RARS2: variants seen among roughly 807,000 people sequenced by gnomAD.
RARS2 encodes arginyl-tRNA synthetase 2, mitochondrial.
Under a neutral mutation model 88.5 loss-of-function variants are expected in RARS2, and 67 were observed. The observed-to-expected ratio is 0.76, with a 90% CI of 0.62 to 0.93. The LOEUF is 0.93. Ranked by LOEUF, RARS2 falls within the 40% of genes least tolerant of loss-of-function variation. The pLI, the probability that RARS2 is intolerant of heterozygous loss-of-function variation, is 0.00. For synonymous variants in RARS2, 239 were observed against 230.3 expected, an observed-to-expected ratio of 1.04 and a Z score of -0.34; for missense variants, 664 against 684.2, an observed-to-expected ratio of 0.97 and a Z score of 0.33.
intron 1 of RARS2, among the ~76,000 whole-genome samples, chr6:87,585,282 A>G (rs1408772418): frequency 6.6e-6 from 1 of 152,236 alleles, no homozygotes; most frequent in Non-Finnish European, 1.5e-5. Context: ...ATAAGAGTGA[A>G]TAAGACATGT....
At chr6:87,568,710 T>C (rs1218302200) in intron 2 of RARS2, among the ~76,000 whole-genome samples, 1 of 152,234 alleles carries the variant, frequency 6.6e-6, no homozygotes, top group Non-Finnish European at 1.5e-5. Context: ...AGGCCAAATG[T>C]AGCCTTTCTC....
intron 8 of RARS2, among the ~76,000 whole-genome samples, chr6:87,538,536 T>TA (rs1441247169): frequency 2.0e-5 from 3 of 152,108 alleles, no homozygotes; most frequent in Non-Finnish European, 4.4e-5. Flanking sequence ...TCCCCTGAAA[T>TA]ATTTAAAATA....
rs369852737 is a variant in RARS2 at position 87,564,125 on chromosome 6, C to T, written c.213+5G>A. ...TGTCAAAAAGAGATAATAGTGCTAA[C>T]GTACCTTCTCTGCTAGTCTCTTGGC... On this transcript the variant is annotated splice_donor_5th_base_variant and intron_variant, in intron 3 of 19. Coordinates refer to ENST00000369536, the MANE Select transcript of RARS2 (RefSeq NM_020320.5). The T allele has an allele frequency of 3.5e-5, 55 of 1,590,376 alleles. No homozygotes were observed. The African/African-American group carries it at 4.3e-4, about 12-fold the overall frequency.
chr6:87,523,617 T>C (rs1307069534), intron 11 of RARS2, among the ~76,000 whole-genome samples: 1 of 152,182 alleles, frequency 6.6e-6, no homozygotes. Context: ...AGAGACTTCA[T>C]GTCATAGGGC....
chr6:87,551,088 G>A (rs575358258), intron 5 of RARS2, among the ~76,000 whole-genome samples: 1 of 152,096 alleles, frequency 6.6e-6, no homozygotes, highest in South Asian at 2.1e-4. Flanking sequence ...TTTCCCTCCG[G>A]TATTAGAAAA....
intron 1 of RARS2, among the ~76,000 whole-genome samples, chr6:87,589,112 A>T (rs1307908232): frequency 1.3e-5 from 2 of 152,260 alleles, no homozygotes; most frequent in African/African-American, 4.8e-5. Flanking sequence ...CCACTAGTAC[A>T]TCCATTAATC....
At chr6:87,558,426 T>C (rs1407857518) in intron 4 of RARS2, among the ~76,000 whole-genome samples, 1 of 152,170 alleles carries the variant, frequency 6.6e-6, no homozygotes, top group African/African-American at 2.4e-5. Flanking sequence ...GTGTGTGTTA[T>C]CTCCTAAATA....
chr6:87,569,439 C>T (rs2128187921), intron 2 of RARS2, 78 bp downstream of exon 2: 1 of 1,119,722 alleles, frequency 8.9e-7, no homozygotes, highest in East Asian at 2.4e-5. Context: ...TGAAGAGTAA[C>T]AATTCTTTTT....
At chr6:87,527,366 T>A (rs968462212) in intron 10 of RARS2, among the ~76,000 whole-genome samples, 4 of 151,970 alleles carry the variant, frequency 2.6e-5, no homozygotes, top group African/African-American at 9.7e-5. Context: ...AAACTGCATA[T>A]CCATATGCAG....
chr6:87,543,056 C>T (rs1213546695), intron 7 of RARS2, among the ~76,000 whole-genome samples: 1 of 152,022 alleles, frequency 6.6e-6, no homozygotes, highest in Non-Finnish European at 1.5e-5. Context: ...AATCCCAGCA[C>T]ATTGGGAGGC....
intron 7 of RARS2, among the ~76,000 whole-genome samples, chr6:87,542,234 T>C (rs771001844): frequency 3.4e-4 from 52 of 152,060 alleles, no homozygotes; most frequent in African/African-American, 1.2e-3. Context: ...CAGAAACCAA[T>C]AGGTTATGAG....
At chr6:87,558,790 TTATG>T (rs1176715491) in intron 4 of RARS2, among the ~76,000 whole-genome samples, 1 of 152,256 alleles carries the variant, frequency 6.6e-6, no homozygotes, top group Non-Finnish European at 1.5e-5. Flanking sequence ...CTGTACTGAT[TTATG>T]TATTTAACCT....
intron 5 of RARS2, 91 bp downstream of exon 5, chr6:87,555,317 T>C: frequency 2.1e-6 from 2 of 969,290 alleles, no homozygotes; most frequent in Non-Finnish European, 1.6e-6. Context: ...TTCCACATGT[T>C]ATTTATTAAG....
intron 7 of RARS2, among the ~76,000 whole-genome samples, chr6:87,545,284 A>T (rs1486151274): frequency 6.6e-6 from 1 of 152,122 alleles, no homozygotes; most frequent in Non-Finnish European, 1.5e-5. Context: ...GGATTTCGCC[A>T]TGTTGCTCAG....
intron 1 of RARS2, among the ~76,000 whole-genome samples, chr6:87,583,567 C>T (rs1055478209): frequency 1.2e-4 from 16 of 138,256 alleles, no homozygotes; most frequent in Admixed American, 2.3e-4. Flanking sequence ...CCAGCCTGGG[C>T]AACAAGAACA....
intron 5 of RARS2, among the ~76,000 whole-genome samples, chr6:87,554,509 G>A (rs1217546996): frequency 6.6e-6 from 1 of 152,128 alleles, no homozygotes; most frequent in Non-Finnish European, 1.5e-5. Flanking sequence ...ACCAGAGCTA[G>A]AGTGCATGAC....
At chr6:87,580,070 CA>C (rs1237377743) in intron 1 of RARS2, among the ~76,000 whole-genome samples, 2 of 152,122 alleles carry the variant, frequency 1.3e-5, no homozygotes, top group Non-Finnish European at 2.9e-5. Flanking sequence ...CTTGTATTCT[CA>C]CAGGTTTAGA....
chr6:87,587,792 A>T (rs1327207584), intron 1 of RARS2, among the ~76,000 whole-genome samples: 2 of 151,868 alleles, frequency 1.3e-5, no homozygotes, highest in African/African-American at 4.8e-5. Context: ...CTTTTTTTTG[A>T]GACAGGGACT....
In RARS2 at chr6:87,530,764, AAGGG is replaced by A; in HGVS notation, c.771+16_771+19del. On this transcript the variant is annotated intron_variant, in intron 9 of 19. Transcript: ENST00000369536. ...GCTGCACTGCATCATGGGAAAGCAG[AAGGG>A]AGGGTCAACCAATACCTTGTAAACC... 1 of 1,613,834 alleles carries A rather than the reference AAGGG, an allele frequency of 6.2e-7. No homozygotes were observed. The highest frequency in any genetic ancestry group is 8.5e-7 in the Non-Finnish European group (1 of 1,179,716).
Sources: allele counts gnomAD v4.1 joint callset (sites outside exome capture counted in the v4.1 genomes callset), GRCh38; gene constraint gnomAD v4.1.1; transcripts MANE v1.5; gene names NCBI Gene and HGNC (gene_info 2026-07-23, HGNC 2026-07-21).